The following MYO5B variants were observed in gnomAD, a reference collection of about 807,000 sequenced individuals.
MYO5B encodes unconventional myosin-Vb.
A neutral mutation model predicts 229.3 loss-of-function variants in MYO5B; 143 were observed. The observed-to-expected ratio is 0.62, with a 90% confidence interval of 0.54 to 0.72. MYO5B has a LOEUF of 0.72. Among genes scored for constraint, MYO5B ranks in the 30% least tolerant of loss-of-function variants. MYO5B has a pLI of 0.00. For missense variants in MYO5B, 2,321 were observed against 2,331.0 expected (o/e 1.00, Z 0.09); for synonymous variants, 918 against 885.2 (o/e 1.04, Z -0.66).
At chr18:49,959,917 G>A (rs565411741) in intron 12 of MYO5B, among the ~76,000 whole-genome samples, 12 of 152,216 alleles carry the variant, frequency 7.9e-5, no homozygotes, top group African/African-American at 2.9e-4. Flanking sequence ...TGGAGGAGTG[G>A]GCTTGGGTAA....
At chr18:49,937,899 A>G (rs1483261189) in intron 14 of MYO5B, among the ~76,000 whole-genome samples, 1 of 152,212 alleles carries the variant, frequency 6.6e-6, no homozygotes, top group East Asian at 1.9e-4. Context: ...AGTAATAAAA[A>G]TATTCCCAGA....
intron 1 of MYO5B, among the ~76,000 whole-genome samples, chr18:50,081,502 G>T (rs757546502): frequency 6.6e-6 from 1 of 152,212 alleles, no homozygotes; most frequent in Non-Finnish European, 1.5e-5. Context: ...CTATGAGAGA[G>T]AAACATCTTC....
chr18:49,828,752 C>A (rs866074101), intron 39 of MYO5B, among the ~76,000 whole-genome samples: 1 of 151,952 alleles, frequency 6.6e-6, no homozygotes. Flanking sequence ...TAAATGAAAG[C>A]TGCAAAATCC....
intron 7 of MYO5B, among the ~76,000 whole-genome samples, chr18:49,987,176 C>T (rs2025879555): frequency 6.6e-6 from 1 of 152,152 alleles, no homozygotes; most frequent in Non-Finnish European, 1.5e-5. Context: ...GGCCCAGTTC[C>T]CCAACTCAGG....
chr18:50,127,567 T>C (rs2032185465), intron 1 of MYO5B, among the ~76,000 whole-genome samples: 1 of 152,154 alleles, frequency 6.6e-6, no homozygotes. Context: ...TGAGCCCTGG[T>C]GGAGCGCATA....
At chr18:49,953,098 G>A (rs1313656891) in intron 14 of MYO5B, among the ~76,000 whole-genome samples, 162 bp downstream of exon 14, 1 of 152,098 alleles carries the variant, frequency 6.6e-6, no homozygotes. Flanking sequence ...ACAGTGGTAT[G>A]GCCATTCAAC....
intron 29 of MYO5B, among the ~76,000 whole-genome samples, chr18:49,860,885 C>A (rs1207202994): frequency 6.6e-6 from 1 of 152,244 alleles, no homozygotes; most frequent in Non-Finnish European, 1.5e-5. Context: ...CAAAGCACCC[C>A]AGTTGCCAGG....
chr18:50,058,342 T>A (rs1212255540), intron 1 of MYO5B, among the ~76,000 whole-genome samples: 4 of 152,128 alleles, frequency 2.6e-5, no homozygotes, highest in Non-Finnish European at 4.4e-5. Flanking sequence ...TGGTGGTACA[T>A]GCTTGTAGTC....
chr18:50,027,774 A>C (rs2026346974), intron 4 of MYO5B, among the ~76,000 whole-genome samples: 1 of 152,246 alleles, frequency 6.6e-6, no homozygotes, highest in Non-Finnish European at 1.5e-5. Flanking sequence ...GACTCGTTAC[A>C]TCTGCAGTGC....
chr18:50,177,013 A>C (rs2033006215), intron 1 of MYO5B, among the ~76,000 whole-genome samples: 1 of 152,244 alleles, frequency 6.6e-6, no homozygotes, highest in South Asian at 2.1e-4. Flanking sequence ...AACATGTTGC[A>C]CTGTAAGGGA....
At position 49,864,237 on chromosome 18, in the gene MYO5B, C is replaced by T. The variant is rs1478428254; in HGVS notation, c.3747G>A (p.Leu1249=). Residue 1249 remains leucine, a synonymous_variant, in exon 28 of 40, where the codon CTG becomes CTA. Transcript: ENST00000285039. ...SYSLLLNQLK[L]AHEELEVRKE... ...TGCGCACCTCGAGCTCCTCGTGGGC[C>T]AGCTTGAGCTGGTTCAGCAGGAGGC... is the stretch of plus-strand genomic sequence containing the variant. The T allele has an allele frequency of 7.4e-6, 12 of 1,614,084 alleles. No homozygotes were observed. Among genetic ancestry groups the T allele is most frequent in the Non-Finnish European group, 1.0e-5 (12 of 1,180,040 alleles).
chr18:49,920,531 T>C (rs2025062747), intron 17 of MYO5B, among the ~76,000 whole-genome samples: 1 of 152,014 alleles, frequency 6.6e-6, no homozygotes, highest in South Asian at 2.1e-4. Flanking sequence ...CTCAGCCCCA[T>C]TAGTGGCCCT....
intron 4 of MYO5B, among the ~76,000 whole-genome samples, chr18:50,017,744 T>A (rs922411794): frequency 1.3e-5 from 2 of 152,198 alleles, no homozygotes; most frequent in African/African-American, 4.8e-5. Flanking sequence ...AAAATCTAAT[T>A]GTTAAATCAA....
intron 7 of MYO5B, 63 bp from the exon 8 acceptor site, chr18:49,984,888 C>T: frequency 1.6e-6 from 2 of 1,226,300 alleles, no homozygotes; most frequent in Non-Finnish European, 2.4e-6. Flanking sequence ...CAGATCGTGA[C>T]CCATGAAAAT....
Position 49,843,384 on chromosome 18 carries a change from G to C in MYO5B, c.4468C>G (p.Pro1490Ala). The change falls in exon 34 of 40, where the codon CCC becomes GCC. Residue 1490 changes from proline (P) to alanine (A), a missense_variant. Around this residue, in one of 2 missense-constraint regions of MYO5B, gnomAD observed 2,113 missense variants for 2,044.7 expected, o/e 1.03. Transcript: ENST00000285039. Reference sequence around the variant, plus strand: ...GGCACTGTGCCCGACAGCATCTGGGGCTTCAAGTCTAAGGGCAACGAGAGC... The same window carrying C: ...GGCACTGTGCCCGACAGCATCTGGGCCTTCAAGTCTAAGGGCAACGAGAGC... ...LIRNLVTDLK[P>A]QMLSGTVPCL... 2 of 1,614,190 alleles carry C rather than the reference G, an allele frequency of 1.2e-6. No homozygotes were observed. Among genetic ancestry groups the C allele is most frequent in the South Asian group, 1.1e-5 (1 of 91,088 alleles).
intron 12 of MYO5B, among the ~76,000 whole-genome samples, chr18:49,957,004 C>A (rs955095114): frequency 9.2e-5 from 14 of 151,928 alleles, no homozygotes; most frequent in African/African-American, 2.9e-4. Context: ...AATGGATGCA[C>A]AACCTTGTGA....
At chr18:50,183,670 G>A (rs541852779) in intron 1 of MYO5B, among the ~76,000 whole-genome samples, 136 of 148,006 alleles carry the variant, frequency 9.2e-4, no homozygotes, top group Non-Finnish European at 1.2e-3. Context: ...TGAATTTCAG[G>A]TATGCTGTGG....
intron 31 of MYO5B, chr18:49,849,882 G>C: frequency 1.8e-6 from 1 of 564,740 alleles, no homozygotes; most frequent in South Asian, 1.9e-5. Context: ...ATTCTCTCAA[G>C]GCAAGACTCC....
chr18:50,120,390 T>C (rs2032038067), intron 1 of MYO5B, among the ~76,000 whole-genome samples: 1 of 152,208 alleles, frequency 6.6e-6, no homozygotes, highest in Non-Finnish European at 1.5e-5. Flanking sequence ...TGGAAGGAGA[T>C]GCAGGCAGCA....
Sources: gnomAD v4.1 joint callset for allele counts (sites outside exome capture counted in the v4.1 genomes callset) on GRCh38, gnomAD v4.1.1 for gene constraint, gnomAD v4.1.1 regional missense constraint, MANE v1.5 for transcripts, NCBI Gene and HGNC (gene_info 2026-07-23, HGNC 2026-07-21) for gene names.